Variants in MTMR2 observed in about 807,000 individuals in gnomAD.
MTMR2 encodes the protein phosphatidylinositol-3,5-bisphosphate 3-phosphatase MTMR2.
A neutral mutation model predicts 86.9 loss-of-function variants in MTMR2; 55 were observed. That is an observed-to-expected ratio of 0.63 (90% confidence interval 0.51 to 0.79). The LOEUF (loss-of-function observed/expected upper bound fraction) is 0.79, where lower values mean the gene tolerates loss of function less well. Ranked by LOEUF, MTMR2 falls within the 30% of genes least tolerant of loss-of-function variation. MTMR2 has a pLI of 0.00. For synonymous variants in MTMR2, 241 were observed against 266.8 expected (o/e 0.90, Z 0.94); for missense variants, 659 against 772.3 (o/e 0.85, Z 1.74).
chr11:95,850,552 G>A, intron 8 of MTMR2, 48 bp downstream of exon 8: 1 of 1,576,802 alleles, frequency 6.3e-7, no homozygotes, highest in Non-Finnish European at 8.7e-7. Flanking sequence ...TCAGCATTAT[G>A]TTGAGTAAAA....
At chr11:95,923,519 A>C (rs1464218863) in intron 1 of MTMR2, among the ~76,000 whole-genome samples, 1 of 152,058 alleles carries the variant, frequency 6.6e-6, no homozygotes, top group Non-Finnish European at 1.5e-5. Context: ...AGTGACAGAG[A>C]AAGACAGGAA....
At chr11:95,871,567 C>A (rs1400254083) in intron 2 of MTMR2, among the ~76,000 whole-genome samples, 1 of 152,194 alleles carries the variant, frequency 6.6e-6, no homozygotes, top group East Asian at 1.9e-4. Context: ...ATATCTTTCA[C>A]CCACTTTTTG....
chr11:95,837,127 G>A (rs1457942544), intron 13 of MTMR2, among the ~76,000 whole-genome samples: 1 of 151,930 alleles, frequency 6.6e-6, no homozygotes, highest in Non-Finnish European at 1.5e-5. Context: ...TGCCTGCTAT[G>A]CATAGAAATA....
chr11:95,912,513 T>A (rs956133710), intron 1 of MTMR2, among the ~76,000 whole-genome samples: 3 of 151,962 alleles, frequency 2.0e-5, no homozygotes, highest in Non-Finnish European at 4.4e-5. Context: ...CATTGCATCA[T>A]TAAACTCTCT....
At chr11:95,838,035 C>G in intron 13 of MTMR2, 59 bp downstream of exon 13, 1 of 1,086,822 alleles carries the variant, frequency 9.2e-7, no homozygotes, top group Admixed American at 1.7e-5. Flanking sequence ...AGAGTACATT[C>G]TTTTAGGGAA....
At chr11:95,875,138 G>A (rs1196828162) in intron 2 of MTMR2, among the ~76,000 whole-genome samples, 2 of 152,092 alleles carry the variant, frequency 1.3e-5, no homozygotes, top group Non-Finnish European at 2.9e-5. Context: ...TTTGAATGTT[G>A]GCCTGCCTTG....
chr11:95,884,463 A>C lies in MTMR2; in HGVS notation c.186+3693T>G, dbSNP rs528899952. On this transcript the variant is annotated intron_variant, in intron 2 of 14. Transcript: ENST00000346299. ...CTCTCCTAGTAATGTATCCTACAAG[A>C]GTATGAATGACCTGAGACAAAATAA... 9.2e-5 allele frequency among the ~76,000 whole-genome samples: 14 copies of C among 152,326 alleles called. No individual in the cohort carries two copies. The East Asian group carries it at 2.5e-3, about 27-fold the overall frequency.
rs1233657975 is a variant in MTMR2, at chr11:95,833,621, A to G, written c.*1669T>C. 2 of 152,102 alleles carry G rather than the reference A, an allele frequency of 1.3e-5. No individual in the cohort carries two copies. Among genetic ancestry groups the G allele is most frequent in the Non-Finnish European group, 2.9e-5 (2 of 67,986 alleles). The allele number at this position is 152,102 out of a possible 1,614,324, so 9.4% of individuals were successfully genotyped here. The stretch of plus-strand genomic sequence containing the variant: ...TTGAAGTGGATGCAAGTATGTTAAG[A>G]CTAGAAGCTTTAAATTCTTGATCTC... On this transcript the variant is annotated 3_prime_UTR_variant, in exon 15 of 15. Transcript: ENST00000346299.
At chr11:95,889,148 T>TTC (rs1865620702) in intron 1 of MTMR2, among the ~76,000 whole-genome samples, 1 of 151,478 alleles carries the variant, frequency 6.6e-6, no homozygotes, top group Non-Finnish European at 1.5e-5. Context: ...TTTTTTTTTT[T>TTC]CTGAGACAGA....
chr11:95,872,511 G>A (rs977699726), intron 2 of MTMR2, among the ~76,000 whole-genome samples: 2 of 152,072 alleles, frequency 1.3e-5, no homozygotes, highest in African/African-American at 4.8e-5. Context: ...AGGAGATTTT[G>A]GGCTGAGACG....
At chr11:95,852,972 T>C (rs1241925795) in intron 7 of MTMR2, among the ~76,000 whole-genome samples, 1 of 151,692 alleles carries the variant, frequency 6.6e-6, no homozygotes, top group Non-Finnish European at 1.5e-5. Flanking sequence ...GAGGTGAAGG[T>C]TGCAGCGAGC....
chr11:95,886,800 A>G lies in MTMR2; in HGVS notation c.186+1356T>C, dbSNP rs537186720. Among the ~76,000 whole-genome samples the G allele has an allele frequency of 3.9e-5, 6 of 152,282 alleles. No individual in the cohort carries two copies. In the South Asian group the frequency reaches 1.0e-3, roughly 26 times the overall value. ...TTTCAAAATTATTAAGAAGCCTATG[A>G]GCCCTTAGTGGATTTTTATTAATGT... On this transcript the variant is annotated intron_variant, in intron 2 of 14. Transcript: ENST00000346299.
intron 2 of MTMR2, among the ~76,000 whole-genome samples, chr11:95,884,382 T>G (rs1414065792): frequency 6.6e-6 from 1 of 152,198 alleles, no homozygotes; most frequent in East Asian, 1.9e-4. Flanking sequence ...CCTTATTAAC[T>G]AAGAAAATCT....
intron 2 of MTMR2, among the ~76,000 whole-genome samples, chr11:95,869,783 A>C (rs1864782030): frequency 6.6e-6 from 1 of 152,182 alleles, no homozygotes. Context: ...GAAGGGTTTC[A>C]AGATGCCTTC....
In MTMR2 at chr11:95,893,692, A is replaced by C. The variant is rs143817947; in HGVS notation, c.81-5431T>G. 2.2e-3 allele frequency among the ~76,000 whole-genome samples: 338 copies of C among 152,204 alleles called. 5 individuals carry two copies. Among genetic ancestry groups the C allele is most frequent in the African/African-American group, 7.9e-3 (328 of 41,548 alleles). On this transcript the variant is annotated intron_variant, in intron 1 of 14. Coordinates refer to ENST00000346299, the MANE Select transcript of MTMR2 (RefSeq NM_016156.6). Reference sequence around the variant, plus strand: ...TGCTCAATGATTCTCCCATTCCCCAAGTGACTTTTTTAAACCATAACCATC... The same window carrying C: ...TGCTCAATGATTCTCCCATTCCCCACGTGACTTTTTTAAACCATAACCATC...
At chr11:95,852,387 G>A (rs1480761978) in intron 7 of MTMR2, among the ~76,000 whole-genome samples, 1 of 152,122 alleles carries the variant, frequency 6.6e-6, no homozygotes, top group East Asian at 1.9e-4. Context: ...AAATCTCAAA[G>A]AGCAGAATGT....
chr11:95,909,651 T>A (rs1866423438), intron 1 of MTMR2, among the ~76,000 whole-genome samples: 1 of 152,090 alleles, frequency 6.6e-6, no homozygotes, highest in Admixed American at 6.6e-5. Context: ...TGTTTTTTTT[T>A]AACCTCCCCT....
intron 1 of MTMR2, among the ~76,000 whole-genome samples, chr11:95,906,359 T>C (rs1866276499): frequency 6.6e-6 from 1 of 152,168 alleles, no homozygotes; most frequent in Non-Finnish European, 1.5e-5. Flanking sequence ...CTATCCTAAA[T>C]ATATATGCAT....
chr11:95,875,062 C>T (rs935249978), intron 2 of MTMR2, among the ~76,000 whole-genome samples: 2 of 152,138 alleles, frequency 1.3e-5, no homozygotes, highest in African/African-American at 2.4e-5. Flanking sequence ...GTGAATCTGA[C>T]AATTACGTGT....
Sources: gnomAD v4.1 joint callset for allele counts (sites outside exome capture counted in the v4.1 genomes callset) on GRCh38, gnomAD v4.1.1 for gene constraint, MANE v1.5 for transcripts, NCBI Gene and HGNC (gene_info 2026-07-23, HGNC 2026-07-21) for gene names.